Variants in CADM2 observed in about 807,000 individuals in gnomAD.
CADM2 encodes immunoglobulin superfamily member 4D.
CADM2 carries 12 observed loss-of-function variants against 49.8 expected under a neutral mutation model. The ratio of observed to expected loss-of-function variants is 0.24; its 90% CI spans 0.15 to 0.39. The LOEUF (loss-of-function observed/expected upper bound fraction) is 0.39. Among genes scored for constraint, CADM2 ranks in the 10% least tolerant of loss-of-function variants. The probability of loss-of-function intolerance (pLI) is 1.00; values close to 1 mark genes in which losing one functional copy is unlikely to be tolerated. For missense variants in CADM2, 378 were observed against 492.3 expected (o/e 0.77, Z 2.20); for synonymous variants, 214 against 175.4 (o/e 1.22, Z -1.74).
intron 1 of CADM2, among the ~76,000 whole-genome samples, chr3:85,327,951 T>C (rs1001457559): frequency 1.3e-5 from 2 of 152,150 alleles, no homozygotes; most frequent in African/African-American, 2.4e-5. Context: ...ACCTTAAACA[T>C]AATATTAAGT....
intron 1 of CADM2, among the ~76,000 whole-genome samples, chr3:85,423,182 C>T (rs1376106054): frequency 2.0e-5 from 3 of 152,060 alleles, no homozygotes; most frequent in African/African-American, 7.2e-5. Flanking sequence ...TGTTCAGATG[C>T]TTTCTCTCTT....
At chr3:85,698,490 G>A (rs1417236013) in intron 1 of CADM2, among the ~76,000 whole-genome samples, 1 of 152,170 alleles carries the variant, frequency 6.6e-6, no homozygotes, top group African/African-American at 2.4e-5. Context: ...TGTATAGGAA[G>A]CATAGTGGCT....
chr3:84,998,522 G>T (rs2033291410), intron 1 of CADM2, among the ~76,000 whole-genome samples: 1 of 152,142 alleles, frequency 6.6e-6, no homozygotes, highest in Non-Finnish European at 1.5e-5. Context: ...TGCAATTACT[G>T]ATCAAAATGC....
intron 1 of CADM2, among the ~76,000 whole-genome samples, chr3:85,298,476 G>A (rs1044090932): frequency 3.3e-5 from 5 of 152,044 alleles, no homozygotes; most frequent in African/African-American, 1.2e-4. Flanking sequence ...TTAGTGATTC[G>A]TGATTGTAAA....
At chr3:85,158,748 G>A (rs576742707) in intron 1 of CADM2, among the ~76,000 whole-genome samples, 5 of 152,120 alleles carry the variant, frequency 3.3e-5, no homozygotes, top group South Asian at 2.1e-4. Flanking sequence ...GCTAGATGAC[G>A]AGTTAGTGGG....
chr3:85,480,167 A>G (rs2039151283), intron 1 of CADM2, among the ~76,000 whole-genome samples: 2 of 151,884 alleles, frequency 1.3e-5, no homozygotes, highest in South Asian at 4.1e-4. Context: ...ATCATTGTCT[A>G]TATCACTGTG....
At position 85,653,030 on chromosome 3, in the gene CADM2, C is replaced by T. The variant is rs1034388481; in HGVS notation, c.62-73492C>T. 1.1e-4 allele frequency among the ~76,000 whole-genome samples: 17 copies of T among 151,678 alleles called. 1 individual carries two copies. Among genetic ancestry groups the T allele is most frequent in the Non-Finnish European group, 2.1e-4 (14 of 67,970 alleles). ...CCTCATGATCCACCTGCCTCTGCCT[C>T]CCAAAGTGCTGGGATTACAGGCGTG... On this transcript the variant is annotated intron_variant, in intron 1 of 9. Coordinates refer to ENST00000383699, the MANE Select transcript of CADM2 (RefSeq NM_001167675.2).
intron 8 of CADM2, chr3:86,013,544 G>A: frequency 6.2e-7 from 1 of 1,605,126 alleles, no homozygotes; most frequent in Non-Finnish European, 8.5e-7. Flanking sequence ...AAACACAGCA[G>A]AGGCAGATGG....
intron 8 of CADM2, chr3:85,994,261 C>G (rs1253895018): frequency 6.6e-6 from 1 of 152,128 alleles, no homozygotes; most frequent in Non-Finnish European, 1.5e-5. Flanking sequence ...TTTTCTTAAG[C>G]CTTATGAACC....
intron 1 of CADM2, among the ~76,000 whole-genome samples, chr3:85,505,916 A>G (rs114086669): frequency 0.014 from 2,157 of 152,276 alleles, 49 homozygotes; most frequent in African/African-American, 0.049. Flanking sequence ...TTAAATTCAT[A>G]ATTTCAGCTT....
chr3:85,566,539 A>G (rs1418964972), intron 1 of CADM2, among the ~76,000 whole-genome samples: 3 of 152,158 alleles, frequency 2.0e-5, no homozygotes, highest in African/African-American at 4.8e-5. Flanking sequence ...TAAAACAAAC[A>G]AAAACTCTCA....
intron 1 of CADM2, among the ~76,000 whole-genome samples, chr3:85,469,784 C>T (rs2038685494): frequency 1.3e-5 from 2 of 152,106 alleles, no homozygotes. Flanking sequence ...TATGTTAACT[C>T]CAAGTGTTAA....
intron 1 of CADM2, among the ~76,000 whole-genome samples, chr3:85,161,628 G>C (rs1236447350): frequency 6.6e-6 from 1 of 152,138 alleles, no homozygotes. Context: ...GTATTTATCT[G>C]CTGAAAGAGA....
Position 85,671,626 on chromosome 3 carries a change from T to A in CADM2, c.62-54896T>A, listed in dbSNP as rs114278592. Among the ~76,000 whole-genome samples, 1,164 of 152,240 alleles carry A rather than the reference T, an allele frequency of 7.6e-3. 12 individuals carry two copies. Among genetic ancestry groups the A allele is most frequent in the African/African-American group, 0.027 (1,101 of 41,534 alleles). ...TTCTCCTTCCCCTTCTCTAACTCTA[T>A]GTCAGCCACACTGGCCTTTTTCCTA... is the stretch of plus-strand genomic sequence containing the variant. On this transcript the variant is annotated intron_variant, in intron 1 of 9. Coordinates refer to ENST00000383699, the MANE Select transcript of CADM2 (RefSeq NM_001167675.2).
chr3:85,486,815 A>G (rs915463157), intron 1 of CADM2, among the ~76,000 whole-genome samples: 4 of 152,236 alleles, frequency 2.6e-5, no homozygotes, highest in African/African-American at 7.2e-5. Flanking sequence ...AAGCTAAAAA[A>G]GACCAAACTC....
intron 5 of CADM2, among the ~76,000 whole-genome samples, chr3:85,910,800 C>G (rs187809904): frequency 1.3e-5 from 2 of 152,046 alleles, no homozygotes; most frequent in Non-Finnish European, 2.9e-5. Flanking sequence ...TTTTCAAGAA[C>G]AAGACATATC....
At chr3:85,336,968 AATATATATTTAATAT>A (rs1167910599) in intron 1 of CADM2, among the ~76,000 whole-genome samples, 1 of 16,596 alleles carries the variant, frequency 6.0e-5, no homozygotes, top group African/African-American at 7.1e-5. Flanking sequence ...ATATATATTA[AATATATATTTAATAT>A]ATATATATTT....
At chr3:84,974,233 G>A (rs1028994429) in intron 1 of CADM2, among the ~76,000 whole-genome samples, 8 of 149,042 alleles carry the variant, frequency 5.4e-5, no homozygotes, top group Non-Finnish European at 8.9e-5. Context: ...GTAATTATAT[G>A]TATATATATA....
At chr3:85,500,522 AT>A (rs34546466) in intron 1 of CADM2, among the ~76,000 whole-genome samples, 156 of 145,770 alleles carry the variant, frequency 1.1e-3, no homozygotes, top group African/African-American at 1.3e-3. Flanking sequence ...CATAGGTGGA[AT>A]TTTTTTTTTT....
Sources: gnomAD v4.1 joint callset for allele counts (sites outside exome capture counted in the v4.1 genomes callset) on GRCh38, gnomAD v4.1.1 for gene constraint, MANE v1.5 for transcripts, NCBI Gene and HGNC (gene_info 2026-07-23, HGNC 2026-07-21) for gene names.